The following ATG4B variants were observed in gnomAD, a reference collection of about 807,000 sequenced individuals.
ATG4B encodes autophagy related 4B cysteine peptidase, also known as cysteine protease ATG4B.
In ATG4B, 29 loss-of-function variants were observed where a neutral mutation model predicts 56.6. The observed-to-expected ratio is 0.51, with a 90% confidence interval of 0.38 to 0.70. The LOEUF (loss-of-function observed/expected upper bound fraction) is 0.70. Among genes scored for constraint, ATG4B ranks in the 30% least tolerant of loss-of-function variants. The pLI is 0.00. For synonymous variants in ATG4B, 224 were observed against 206.1 expected, an observed-to-expected ratio of 1.09 and a Z score of -0.74; for missense variants, 461 against 515.5, an observed-to-expected ratio of 0.89 and a Z score of 1.02.
rs755532073 is a variant in ATG4B at position 241,668,190 on chromosome 2, C to T, written c.780C>T (p.Pro260=). 6.2e-7 allele frequency: 1 copy of T among 1,607,504 alleles called. No homozygotes were observed. Among genetic ancestry groups the T allele is most frequent in the South Asian group, 1.1e-5 (1 of 89,232 alleles). ...CCCTGGGCGTCATCGGAGGGAAGCCCAACAGCGCCCACTACTTCATCGGCT... is the reference window on the plus strand; with the variant it reads ...CCCTGGGCGTCATCGGAGGGAAGCCTAACAGCGCCCACTACTTCATCGGCT... The part of the protein sequence containing the change: ...PQSLGVIGGK[P]NSAHYFIGYV... Residue 260 remains proline (P), a synonymous_variant, in exon 9 of 13, where the codon CCC becomes CCT. Transcript: ENST00000404914. The surrounding 1 kb of genome is among the most constrained non-coding windows in gnomAD (Gnocchi z 4.2).
Position 241,664,599 on chromosome 2 carries a change from ATC to A in ATG4B, c.539-2045_539-2044del, listed in dbSNP as rs1486819846. Among the ~76,000 whole-genome samples, 8 of 152,272 alleles carry A rather than the reference ATC, an allele frequency of 5.3e-5. No individual in the cohort carries two copies. In the East Asian group the frequency reaches 1.5e-3, roughly 29 times the overall value. ...CTGGGCGTGGTAGCTCCTACCCATA[ATC>A]GCACCTCTCAGGGAGGCTGAGTTGG... On this transcript the variant is annotated intron_variant, in intron 7 of 12. Coordinates refer to ENST00000404914, the MANE Select transcript of ATG4B (RefSeq NM_013325.5).
chr2:241,668,583 C>T lies in ATG4B; in HGVS notation c.855C>T (p.Ala285=), dbSNP rs533300144. 9.3e-6 allele frequency: 15 copies of T among 1,607,906 alleles called. No individual in the cohort carries two copies. Among genetic ancestry groups the T allele is most frequent in the Admixed American group, 1.7e-5 (1 of 59,438 alleles). The change falls in exon 10 of 13, where the codon GCC becomes GCT. Residue 285 remains alanine, a synonymous_variant. Coordinates refer to ENST00000404914, the MANE Select transcript of ATG4B (RefSeq NM_013325.5). The surrounding 1 kb of genome is among the most constrained non-coding windows in gnomAD (Gnocchi z 4.2). ...TGGACCCCCACACCACGCAGCCAGC[C>T]GTGGAGCCCACTGATGGCTGCTTCA... ...IYLDPHTTQP[A]VEPTDGCFIP... is the part of the protein sequence containing the mutation.
chr2:241,659,458 A>G (rs2068523816), intron 7 of ATG4B: 2 of 513,746 alleles, frequency 3.9e-6, no homozygotes, highest in Non-Finnish European at 7.8e-6. Context: ...CAAATCGTTT[A>G]TGAAGGCCCT....
Position 241,673,351 on chromosome 2 carries a change from G to A in ATG4B, c.*1087G>A. 1 of 358,748 alleles carries A rather than the reference G, an allele frequency of 2.8e-6. No homozygotes were observed. The highest frequency in any genetic ancestry group is 5.5e-6 in the Non-Finnish European group (1 of 180,578). The allele number at this position is 358,748 out of a possible 1,614,324, so 22.2% of individuals were successfully genotyped here. A position where few individuals can be genotyped will look rare whatever the true frequency, so the allele number is the denominator to read the frequency against. On this transcript the variant is annotated 3_prime_UTR_variant, in exon 13 of 13. Coordinates refer to ENST00000404914, the MANE Select transcript of ATG4B (RefSeq NM_013325.5). ...GTGCACTCTGCCCCGCTGCTCTGCTGCCTGTCCTGGGAAAGTATCTTTGCC... is the reference window on the plus strand; with the variant it reads ...GTGCACTCTGCCCCGCTGCTCTGCTACCTGTCCTGGGAAAGTATCTTTGCC...
At chr2:241,653,318 G>A (rs1260451697) in intron 3 of ATG4B, 194 bp from the exon 4 acceptor site, 3 of 1,548,424 alleles carry the variant, frequency 1.9e-6, no homozygotes, top group Non-Finnish European at 2.6e-6. Context: ...AGGTTGTCGG[G>A]ACATTTCACT....
At chr2:241,642,325 C>T (rs533329097) in intron 1 of ATG4B, among the ~76,000 whole-genome samples, 7 of 152,000 alleles carry the variant, frequency 4.6e-5, no homozygotes, top group Non-Finnish European at 8.8e-5. Flanking sequence ...TTTGGAGTTC[C>T]TTTCTCTCTT....
intron 7 of ATG4B, among the ~76,000 whole-genome samples, chr2:241,666,393 C>T (rs920553960): frequency 6.6e-5 from 10 of 152,276 alleles, no homozygotes; most frequent in East Asian, 3.9e-4. Flanking sequence ...TGCACTGTTT[C>T]GTGTGTGTGC....
chr2:241,651,119 C>T lies in ATG4B; in HGVS notation c.112+8C>T. 6.2e-7 allele frequency: 1 copy of T among 1,609,454 alleles called. No homozygotes were observed. The highest frequency in any genetic ancestry group is 8.5e-7 in the Non-Finnish European group (1 of 1,177,354). On this transcript the variant is annotated splice_region_variant and intron_variant, in intron 2 of 12. Coordinates refer to ENST00000404914, the MANE Select transcript of ATG4B (RefSeq NM_013325.5). The surrounding 1 kb of genome is among the most constrained non-coding windows in gnomAD (Gnocchi z 4.1). ...AATACAGCATTTTCACAGGTATCGG[C>T]CATGCTGGAGCCCACCCTGGTCTGA...
At position 241,637,736 on chromosome 2, in the gene ATG4B, C is replaced by A; in HGVS notation, c.10+12C>A. ...GAAGATGGACGCAGGTGAGGAGTTG[C>A]CGGGGGTCGGTCTTTCCGCAGGAGG... On this transcript the variant is annotated intron_variant, in intron 1 of 12. Transcript: ENST00000404914. The A allele has an allele frequency of 6.4e-7, 1 of 1,574,514 alleles. No homozygotes were observed. The highest frequency in any genetic ancestry group is 8.6e-7 in the Non-Finnish European group (1 of 1,163,968).
chr2:241,641,834 C>G (rs2067899086), intron 1 of ATG4B, among the ~76,000 whole-genome samples: 1 of 152,080 alleles, frequency 6.6e-6, no homozygotes, highest in African/African-American at 2.4e-5. Flanking sequence ...GTGGAGAGGT[C>G]CAGGAGGTGG....
intron 7 of ATG4B, chr2:241,659,408 C>A: frequency 4.8e-6 from 3 of 630,512 alleles, no homozygotes; most frequent in Non-Finnish European, 9.1e-6. Flanking sequence ...GTCTGGAGGC[C>A]GCGACTTGGT....
chr2:241,655,735 C>G (rs931512617), intron 6 of ATG4B, among the ~76,000 whole-genome samples: 3 of 152,168 alleles, frequency 2.0e-5, no homozygotes, highest in Non-Finnish European at 4.4e-5. Flanking sequence ...CTCACTCTAC[C>G]CGGAGACTCC....
At chr2:241,649,366 C>G (rs1160361796) in intron 1 of ATG4B, among the ~76,000 whole-genome samples, 1 of 152,218 alleles carries the variant, frequency 6.6e-6, no homozygotes, top group Non-Finnish European at 1.5e-5. Flanking sequence ...TTTTTGTAGT[C>G]TTCAGAATTT....
chr2:241,637,803 C>A, intron 1 of ATG4B, 79 bp downstream of exon 1: 1 of 1,455,294 alleles, frequency 6.9e-7, no homozygotes, highest in Non-Finnish European at 9.0e-7. Context: ...GGTCGGGCTG[C>A]CGCGACTCGC....
intron 1 of ATG4B, 86 bp from the exon 2 acceptor site, chr2:241,650,924 G>T (rs1219205166): frequency 1.8e-6 from 2 of 1,140,212 alleles, no homozygotes; most frequent in Non-Finnish European, 2.5e-6. Context: ...GTTCTCTTCA[G>T]CACAGAAATG....
intron 6 of ATG4B, among the ~76,000 whole-genome samples, chr2:241,658,027 A>C (rs1441498535): frequency 1.3e-5 from 2 of 152,146 alleles, no homozygotes; most frequent in African/African-American, 4.8e-5. Context: ...TTTGGCACCA[A>C]GGTCTTCCCT....
At position 241,639,514 on chromosome 2, in the gene ATG4B, C is replaced by G. The variant is rs536625052; in HGVS notation, c.10+1790C>G. Reference sequence around the variant, plus strand: ...CCACAGTGTTACAGCCTTCTTTGTACTTGCATTCATTGGGTCCCTAGTTCT... The same window carrying G: ...CCACAGTGTTACAGCCTTCTTTGTAGTTGCATTCATTGGGTCCCTAGTTCT... On this transcript the variant is annotated intron_variant, in intron 1 of 12. Coordinates refer to ENST00000404914, the MANE Select transcript of ATG4B (RefSeq NM_013325.5). Among the ~76,000 whole-genome samples the G allele has an allele frequency of 5.3e-5, 8 of 152,332 alleles. No individual in the cohort carries two copies. In the East Asian group the frequency reaches 1.4e-3, roughly 26 times the overall value.
intron 3 of ATG4B, 79 bp from the exon 4 acceptor site, chr2:241,653,433 C>T (rs1013356140): frequency 3.4e-5 from 52 of 1,550,858 alleles, no homozygotes; most frequent in East Asian, 2.0e-4. Flanking sequence ...TGGGACTGAC[C>T]GGCTGCCTCC....
intron 6 of ATG4B, among the ~76,000 whole-genome samples, chr2:241,658,319 G>A (rs1029955800): frequency 6.6e-6 from 1 of 152,018 alleles, no homozygotes; most frequent in Non-Finnish European, 1.5e-5. Context: ...GGGGCAGGGG[G>A]GCAGTGGGGG....
Sources: gnomAD v4.1 joint callset for allele counts (sites outside exome capture counted in the v4.1 genomes callset) on GRCh38, gnomAD v4.1.1 for gene constraint, Gnocchi (gnomAD v3.1) non-coding constraint, MANE v1.5 for transcripts, NCBI Gene and HGNC (gene_info 2026-07-23, HGNC 2026-07-21) for gene names.